Variants in BIN3 observed in about 807,000 individuals in gnomAD.
BIN3 encodes bridging integrator 3.
In BIN3, 41 loss-of-function variants were observed where a neutral mutation model predicts 38.2. That is an observed-to-expected ratio of 1.07 (90% CI 0.84 to 1.39). BIN3 has a LOEUF of 1.39. BIN3 is among the 40% of genes most tolerant of loss of function. The probability of loss-of-function intolerance (pLI) is 0.00; values close to 1 mark genes in which losing one functional copy is unlikely to be tolerated. For synonymous variants in BIN3, 145 were observed against 122.6 expected (o/e 1.18, Z -1.21); for missense variants, 361 against 324.3 (o/e 1.11, Z -0.87).
chr8:22,651,174 T>C (rs1288513655), intron 1 of BIN3, among the ~76,000 whole-genome samples: 1 of 152,214 alleles, frequency 6.6e-6, no homozygotes, highest in Admixed American at 6.5e-5. Context: ...ATAACATGCA[T>C]ACTTTTTTTT....
chr8:22,647,345 C>T (rs779090908), intron 1 of BIN3, among the ~76,000 whole-genome samples: 14 of 152,122 alleles, frequency 9.2e-5, no homozygotes, highest in Admixed American at 5.9e-4. Flanking sequence ...CTGTAAGTTA[C>T]CATAGAAATT....
In BIN3 at chr8:22,669,096, G is replaced by A. The variant is rs73212806; in HGVS notation, c.-45C>T. 0.057 allele frequency: 90,324 copies of A among 1,580,110 alleles called. 2,970 individuals carry two copies. Among genetic ancestry groups the A allele is most frequent in the Non-Finnish European group, 0.067 (78,099 of 1,162,896 alleles). On this transcript the variant is annotated 5_prime_UTR_variant, in exon 1 of 9. The change creates a new upstream start codon in the 5' untranslated region. Coordinates refer to ENST00000276416, the MANE Select transcript of BIN3 (RefSeq NM_018688.6). ...CCGCCGGGGTCCTCAGCCACAACTC[G>A]TTTCTCTAGGGTCACTTCCGGATTC...
intron 8 of BIN3, among the ~76,000 whole-genome samples, chr8:22,621,952 C>T (rs575489669): frequency 1.3e-5 from 2 of 152,340 alleles, no homozygotes; most frequent in East Asian, 3.9e-4. Context: ...GCATGGTAGG[C>T]TGATGGCTCC....
At chr8:22,657,783 G>A (rs1803102502) in intron 1 of BIN3, among the ~76,000 whole-genome samples, 1 of 152,244 alleles carries the variant, frequency 6.6e-6, no homozygotes, top group East Asian at 1.9e-4. Context: ...CTTCCCTTGA[G>A]TCCCCATTTC....
At chr8:22,630,943 T>C (rs1289542863) in intron 4 of BIN3, among the ~76,000 whole-genome samples, 1 of 152,178 alleles carries the variant, frequency 6.6e-6, no homozygotes, top group Non-Finnish European at 1.5e-5. Context: ...TCCAAGTGGT[T>C]TGGACGTGAT....
At position 22,636,970 on chromosome 8, in the gene BIN3, G is replaced by C. The variant is rs745687984; in HGVS notation, c.58-8C>G. On this transcript the variant is annotated splice_region_variant and splice_polypyrimidine_tract_variant and intron_variant, in intron 2 of 8. Coordinates refer to ENST00000276416, the MANE Select transcript of BIN3 (RefSeq NM_018688.6). ...TTCAAAGTCTCTCTCCACCTGAAAC[G>C]AGAGAGATAACTCAATTATCGGAGA... 6.2e-7 allele frequency: 1 copy of C among 1,612,266 alleles called. No homozygotes were observed. The highest frequency in any genetic ancestry group is 1.1e-5 in the South Asian group (1 of 90,998).
rs55869105 is a variant in BIN3 at position 22,648,136 on chromosome 8, CAA to C, written c.9-3335_9-3334del. The stretch of plus-strand genomic sequence containing the variant: ...CGCGACAGAGTGAGACTCCGTCTCT[CAA>C]AAAAAAAAAAAAAAAAGGAAAAGAA... On this transcript the variant is annotated intron_variant, in intron 1 of 8. Coordinates refer to ENST00000276416, the MANE Select transcript of BIN3 (RefSeq NM_018688.6). Among the ~76,000 whole-genome samples the C allele has an allele frequency of 2.2e-3, 221 of 102,324 alleles. 2 individuals carry two copies. The East Asian group carries it at 0.05, about 23-fold the overall frequency. The allele number at this position is 102,324 out of a possible 152,430, so 67.1% of individuals were successfully genotyped here.
chr8:22,649,850 C>CACACACAA (rs1554571390), intron 1 of BIN3, among the ~76,000 whole-genome samples: 1 of 120,608 alleles, frequency 8.3e-6, no homozygotes, highest in Non-Finnish European at 1.8e-5. Context: ...CACACACACA[C>CACACACAA]ACACACACCC....
chr8:22,655,592 A>T (rs1218751209), intron 1 of BIN3, among the ~76,000 whole-genome samples: 4 of 152,128 alleles, frequency 2.6e-5, no homozygotes, highest in Non-Finnish European at 4.4e-5. Context: ...CATATATGTA[A>T]GGGTTTATTT....
chr8:22,663,173 A>G (rs574351248), intron 1 of BIN3, among the ~76,000 whole-genome samples: 1 of 151,634 alleles, frequency 6.6e-6, no homozygotes, highest in Non-Finnish European at 1.5e-5. Context: ...AGTGCATTGC[A>G]CACATACTGT....
At chr8:22,667,408 TGAAG>T (rs1803456093) in intron 1 of BIN3, among the ~76,000 whole-genome samples, 1 of 152,176 alleles carries the variant, frequency 6.6e-6, no homozygotes, top group Non-Finnish European at 1.5e-5. Flanking sequence ...TCCCAACTTG[TGAAG>T]GAAAGATTGG....
intron 4 of BIN3, among the ~76,000 whole-genome samples, chr8:22,630,841 C>G (rs1411714285): frequency 1.3e-5 from 2 of 152,166 alleles, no homozygotes; most frequent in South Asian, 4.1e-4. Context: ...AGAAAAGGAC[C>G]ATCTGGGTGG....
intron 1 of BIN3, among the ~76,000 whole-genome samples, chr8:22,648,470 A>C (rs565963436): frequency 3.3e-5 from 5 of 152,112 alleles, no homozygotes; most frequent in Admixed American, 1.3e-4. Flanking sequence ...ATTTTACAGA[A>C]TGCCAACTTG....
At chr8:22,650,576 ATAGTG>A (rs1802859163) in intron 1 of BIN3, among the ~76,000 whole-genome samples, 1 of 152,212 alleles carries the variant, frequency 6.6e-6, no homozygotes, top group South Asian at 2.1e-4. Context: ...TATCAAAGTT[ATAGTG>A]TGCACAGTCT....
intron 1 of BIN3, among the ~76,000 whole-genome samples, chr8:22,657,839 G>C (rs192683182): frequency 1.3e-5 from 2 of 152,360 alleles, no homozygotes; most frequent in East Asian, 3.9e-4. Flanking sequence ...TTCCTTAGGA[G>C]AAGCAGCTGC....
At position 22,630,317 on chromosome 8, in the gene BIN3, C is replaced by T. The variant is rs557253327; in HGVS notation, c.297+125G>A. Reference sequence around the variant, plus strand: ...TGGGCTTGCAGCACCTTGCAGCACACGAGGCCAGAGGGCTTAGAGCCCTGA... The same window carrying T: ...TGGGCTTGCAGCACCTTGCAGCACATGAGGCCAGAGGGCTTAGAGCCCTGA... On this transcript the variant is annotated intron_variant, in intron 5 of 8. Coordinates refer to ENST00000276416, the MANE Select transcript of BIN3 (RefSeq NM_018688.6). 1,673 of 1,378,598 alleles carry T rather than the reference C, an allele frequency of 1.2e-3. 2 individuals carry two copies. The highest frequency in any genetic ancestry group is 1.5e-3 in the Non-Finnish European group (1,515 of 1,007,124). The allele number at this position is 1,378,598 out of a possible 1,614,324, so 85.4% of individuals were successfully genotyped here. A position where few individuals can be genotyped will look rare whatever the true frequency, so the allele number is the denominator to read the frequency against.
chr8:22,633,914 C>T (rs1320831152), intron 4 of BIN3, among the ~76,000 whole-genome samples: 1 of 152,262 alleles, frequency 6.6e-6, no homozygotes, highest in African/African-American at 2.4e-5. Flanking sequence ...CTGCCCACAT[C>T]CATTCCTGAC....
At chr8:22,636,629 C>A in intron 3 of BIN3, 43 bp from the exon 4 acceptor site, 1 of 1,545,728 alleles carries the variant, frequency 6.5e-7, no homozygotes, top group Non-Finnish European at 8.7e-7. Context: ...CCTTCCTTCC[C>A]CCTACCTGAG....
intron 1 of BIN3, 132 bp from the exon 2 acceptor site, chr8:22,644,935 T>C (rs1802668498): frequency 2.7e-6 from 2 of 734,202 alleles, no homozygotes; most frequent in African/African-American, 3.5e-5. Context: ...ACTTGGACCA[T>C]GTGCCCTGGT....
Sources: gnomAD v4.1 joint callset for allele counts (sites outside exome capture counted in the v4.1 genomes callset) on GRCh38, gnomAD v4.1.1 for gene constraint, MANE v1.5 for transcripts, NCBI Gene and HGNC (gene_info 2026-07-23, HGNC 2026-07-21) for gene names.